Variants in FRMD6 observed in about 807,000 individuals in gnomAD.
FRMD6 encodes the protein FERM domain-containing protein 6.
A neutral mutation model predicts 73.2 loss-of-function variants in FRMD6; 37 were observed. That is an observed-to-expected ratio of 0.51 (90% CI 0.39 to 0.66). FRMD6 has a LOEUF of 0.66. Ranked by LOEUF, FRMD6 falls within the 30% of genes least tolerant of loss-of-function variation. The pLI is 0.00. For missense variants in FRMD6, 714 were observed against 780.5 expected, an observed-to-expected ratio of 0.91 and a Z score of 1.02; for synonymous variants, 273 against 282.2, an observed-to-expected ratio of 0.97 and a Z score of 0.33.
At chr14:51,582,978 T>A (rs947738345) in intron 2 of FRMD6, among the ~76,000 whole-genome samples, 1 of 152,220 alleles carries the variant, frequency 6.6e-6, no homozygotes, top group East Asian at 1.9e-4. Context: ...ACACATAGTT[T>A]TTACTTTCTC....
chr14:51,552,359 A>G (rs1886887668), intron 1 of FRMD6, among the ~76,000 whole-genome samples: 1 of 152,208 alleles, frequency 6.6e-6, no homozygotes, highest in African/African-American at 2.4e-5. Flanking sequence ...TTAAAATTTG[A>G]GGGCTTTAAG....
At chr14:51,613,252 T>C (rs903407361) in intron 2 of FRMD6, among the ~76,000 whole-genome samples, 4 of 152,056 alleles carry the variant, frequency 2.6e-5, no homozygotes, top group African/African-American at 7.2e-5. Flanking sequence ...AATCTAGGCA[T>C]TGGTGACAAA....
At chr14:51,508,189 C>A (rs1343940471) in intron 1 of FRMD6, among the ~76,000 whole-genome samples, 1 of 151,938 alleles carries the variant, frequency 6.6e-6, no homozygotes, top group Non-Finnish European at 1.5e-5. Flanking sequence ...CGCTGGGTGA[C>A]CCCATCCGGC....
chr14:51,443,783 C>G, the FRMD6 span, among the ~76,000 whole-genome samples: 1 of 152,190 alleles, frequency 6.6e-6, no homozygotes, highest in African/African-American at 2.4e-5. Context: ...ACAACCAGGA[C>G]ATTGTTTCCT....
Position 51,720,349 on chromosome 14 carries a change from G to A in FRMD6, c.1319G>A (p.Ser440Asn), listed in dbSNP as rs763843583. 2.4e-5 allele frequency: 39 copies of A among 1,613,696 alleles called. No individual in the cohort carries two copies. Among genetic ancestry groups the A allele is most frequent in the Non-Finnish European group, 3.1e-5 (37 of 1,180,048 alleles). Residue 440 changes from serine (S) to asparagine (N), a missense_variant, in exon 11 of 14, where the codon AGT becomes AAT. Coordinates refer to ENST00000344768, the MANE Select transcript of FRMD6 (RefSeq NM_001267046.2). The stretch of plus-strand genomic sequence containing the variant: ...AGCTCCCACACCTCAGGGGTGGAGA[G>A]TGGCGGCAAAGACCGGCTGGAAGAG... Reference protein sequence around the residue: ...HGSSHTSGVESGGKDRLEEDL... With the variant: ...HGSSHTSGVENGGKDRLEEDL...
the FRMD6 span, among the ~76,000 whole-genome samples, chr14:51,431,859 T>A: frequency 1.3e-5 from 2 of 151,946 alleles, no homozygotes; most frequent in Non-Finnish European, 2.9e-5. Flanking sequence ...GCTAAAAGAG[T>A]TCTTGATGAG....
intron 9 of FRMD6, among the ~76,000 whole-genome samples, chr14:51,712,934 T>A (rs1335941695): frequency 6.6e-6 from 1 of 152,220 alleles, no homozygotes; most frequent in Admixed American, 6.5e-5. Context: ...TAAAGAATTA[T>A]ATAAAAAGAT....
At chr14:51,705,013 T>C (rs1029093195) in intron 6 of FRMD6, 78 bp downstream of exon 6, 3 of 1,300,022 alleles carry the variant, frequency 2.3e-6, no homozygotes, top group Non-Finnish European at 3.2e-6. Context: ...TCATACTCTT[T>C]AAGAAATGGG....
At position 51,701,437 on chromosome 14, in the gene FRMD6, A is replaced by G. The variant is rs550564387; in HGVS notation, c.294+278A>G. 1.6e-4 allele frequency among the ~76,000 whole-genome samples: 23 copies of G among 146,446 alleles called. No individual in the cohort carries two copies. In the East Asian group the frequency reaches 4.4e-3, roughly 28 times the overall value. On this transcript the variant is annotated intron_variant, in intron 4 of 13. Coordinates refer to ENST00000344768, the MANE Select transcript of FRMD6 (RefSeq NM_001267046.2). ...TAGTAATATGTATAGTAGTATATAT[A>G]GAAAATGGGAAAATAAAATTATAAG...
chr14:51,621,550 G>T (rs138480541), intron 2 of FRMD6, among the ~76,000 whole-genome samples: 5 of 152,296 alleles, frequency 3.3e-5, no homozygotes, highest in African/African-American at 4.8e-5. Flanking sequence ...GAGAAGATGG[G>T]TGGATCTTCA....
At chr14:51,468,990 G>C in the FRMD6 span, among the ~76,000 whole-genome samples, 1 of 152,090 alleles carries the variant, frequency 6.6e-6, no homozygotes, top group Non-Finnish European at 1.5e-5. Context: ...GCCCAGGCTG[G>C]AGTGCAGTGG....
chr14:51,675,307 A>G (rs969913544), intron 1 of FRMD6, among the ~76,000 whole-genome samples: 3 of 152,062 alleles, frequency 2.0e-5, no homozygotes, highest in Admixed American at 1.3e-4. Context: ...CCATGTTTCT[A>G]TGGAATAACA....
At chr14:51,542,190 A>G (rs1886235891) in intron 1 of FRMD6, among the ~76,000 whole-genome samples, 1 of 152,088 alleles carries the variant, frequency 6.6e-6, no homozygotes, top group African/African-American at 2.4e-5. Context: ...CAACAATAGT[A>G]TATTCACAGT....
At chr14:51,709,607 T>A (rs147764265) in intron 7 of FRMD6, among the ~76,000 whole-genome samples, 6 of 152,316 alleles carry the variant, frequency 3.9e-5, no homozygotes, top group African/African-American at 1.2e-4. Context: ...ATGCCCCATC[T>A]TCCTTGAAAG....
At position 51,614,168 on chromosome 14, in the gene FRMD6, C is replaced by G. The variant is rs549780963; in HGVS notation, c.-147+43758C>G. 8.6e-4 allele frequency among the ~76,000 whole-genome samples: 131 copies of G among 152,192 alleles called. 1 individual carries two copies. The highest frequency in any genetic ancestry group is 1.1e-3 in the Non-Finnish European group (74 of 68,004). On this transcript the variant is annotated intron_variant, in intron 2 of 14. Coordinates refer to the FRMD6 transcript ENST00000356218. Reference sequence around the variant, plus strand: ...TCTCATAGCTCATGAAACACATCTGCGCTTGGTTAAGAACTCTTTTTTTCT... The same window carrying G: ...TCTCATAGCTCATGAAACACATCTGGGCTTGGTTAAGAACTCTTTTTTTCT...
intron 1 of FRMD6, among the ~76,000 whole-genome samples, chr14:51,523,358 G>A (rs1284599099): frequency 6.6e-6 from 1 of 152,166 alleles, no homozygotes; most frequent in Non-Finnish European, 1.5e-5. Flanking sequence ...GTGCCTTGGT[G>A]GGGCAAGATA....
At chr14:51,590,221 G>GA (rs1889314848) in intron 2 of FRMD6, among the ~76,000 whole-genome samples, 1 of 152,148 alleles carries the variant, frequency 6.6e-6, no homozygotes, top group Non-Finnish European at 1.5e-5. Flanking sequence ...GACTCTCCGA[G>GA]AGTGTCATGA....
intron 1 of FRMD6, among the ~76,000 whole-genome samples, chr14:51,665,991 T>A (rs1234280625): frequency 2.0e-5 from 3 of 152,246 alleles, no homozygotes; most frequent in Non-Finnish European, 4.4e-5. Flanking sequence ...CTCAGGTATG[T>A]CTTTATCAGC....
At chr14:51,442,778 C>G in the FRMD6 span, among the ~76,000 whole-genome samples, 1 of 152,132 alleles carries the variant, frequency 6.6e-6, no homozygotes, top group South Asian at 2.1e-4. Context: ...TTGGGCAGCC[C>G]CCTTTAGGAT....
Sources: gnomAD v4.1 joint callset for allele counts (sites outside exome capture counted in the v4.1 genomes callset) on GRCh38, gnomAD v4.1.1 for gene constraint, MANE v1.5 for transcripts, NCBI Gene and HGNC (gene_info 2026-07-23, HGNC 2026-07-21) for gene names.